Variants in TNKS observed in about 807,000 individuals in gnomAD.
TNKS encodes poly [ADP-ribose] polymerase tankyrase-1.
Under a neutral mutation model 135.8 loss-of-function variants are expected in TNKS, and 72 were observed. The ratio of observed to expected loss-of-function variants is 0.53; its 90% CI spans 0.44 to 0.64. The LOEUF is 0.64. Ranked by LOEUF, TNKS falls within the 30% of genes least tolerant of loss-of-function variation. TNKS has a pLI of 0.00. For synonymous variants in TNKS, 849 were observed against 649.3 expected, an observed-to-expected ratio of 1.31 and a Z score of -4.68; for missense variants, 1,769 against 1,674.0, an observed-to-expected ratio of 1.06 and a Z score of -0.99.
Position 9,653,223 on chromosome 8 carries a change from G to T in TNKS, c.995-26728G>T, listed in dbSNP as rs547704877. Among the ~76,000 whole-genome samples the T allele has an allele frequency of 3.2e-4, 48 of 152,242 alleles. 1 individual carries two copies. The highest frequency in any genetic ancestry group is 1.2e-3 in the Admixed American group (19 of 15,294). Reference sequence around the variant, plus strand: ...GAATCAAATTACTGTTGTTTATGCTGACAGTGTTTGTTGCTTAATGAACTA... The same window carrying T: ...GAATCAAATTACTGTTGTTTATGCTTACAGTGTTTGTTGCTTAATGAACTA... On this transcript the variant is annotated intron_variant, in intron 3 of 26. Transcript: ENST00000310430.
intron 1 of TNKS, chr8:9,558,474 A>T (rs1585164077): frequency 6.6e-6 from 1 of 152,272 alleles, no homozygotes; most frequent in East Asian, 1.9e-4. Flanking sequence ...TGCATACTTT[A>T]TTCCAAGTTT....
At chr8:9,655,385 A>G (rs1215679051) in intron 3 of TNKS, among the ~76,000 whole-genome samples, 4 of 152,200 alleles carry the variant, frequency 2.6e-5, no homozygotes, top group Non-Finnish European at 5.9e-5. Context: ...GACAGCTTTG[A>G]AGAGAGTAGT....
intron 3 of TNKS, among the ~76,000 whole-genome samples, chr8:9,623,498 A>G (rs1464684376): frequency 6.6e-6 from 1 of 150,656 alleles, no homozygotes; most frequent in African/African-American, 2.5e-5. Flanking sequence ...TATAGTGTGC[A>G]GTAGCATTAT....
chr8:9,672,711 C>CAAAA lies in TNKS; in HGVS notation c.995-7230_995-7227dup, dbSNP rs6150458. ...ACACACACACACACACACACACACA[C>CAAAA]AAAAAAAAAAAAACAAACTAATATC... On this transcript the variant is annotated intron_variant, in intron 3 of 26. Coordinates refer to ENST00000310430, the MANE Select transcript of TNKS (RefSeq NM_003747.3). Among the ~76,000 whole-genome samples the CAAAA allele has an allele frequency of 1.7e-3, 146 of 85,188 alleles. 2 individuals are homozygous for CAAAA. The highest frequency in any genetic ancestry group is 9.1e-3 in the South Asian group (20 of 2,194). 55.9% of individuals were successfully genotyped at this position (85,188 alleles called of 152,430 possible).
chr8:9,615,111 G>A (rs1421784324), intron 2 of TNKS, among the ~76,000 whole-genome samples: 1 of 152,116 alleles, frequency 6.6e-6, no homozygotes, highest in Admixed American at 6.5e-5. Context: ...TGAGTTTCAT[G>A]TGCAAGTGGT....
chr8:9,760,305 A>G (rs1281946770), intron 20 of TNKS, among the ~76,000 whole-genome samples: 2 of 152,174 alleles, frequency 1.3e-5, no homozygotes, highest in Non-Finnish European at 2.9e-5. Flanking sequence ...GCTTTGTGCA[A>G]TGAAGCAATT....
At chr8:9,702,739 AG>A (rs200333034) in intron 5 of TNKS, among the ~76,000 whole-genome samples, 11,596 of 152,216 alleles carry the variant, frequency 0.076, 476 homozygotes, top group South Asian at 0.17. Context: ...ATTTTAAAAA[AG>A]CACAGTGGCT....
At chr8:9,649,324 A>G (rs762252492) in intron 3 of TNKS, among the ~76,000 whole-genome samples, 100 of 152,304 alleles carry the variant, frequency 6.6e-4, no homozygotes, top group Non-Finnish European at 1.3e-3. Context: ...TCCAGAGAAT[A>G]CTGGACAAAT....
At chr8:9,609,769 A>G (rs1799376467) in intron 2 of TNKS, among the ~76,000 whole-genome samples, 1 of 152,204 alleles carries the variant, frequency 6.6e-6, no homozygotes, top group Non-Finnish European at 1.5e-5. Flanking sequence ...GCCGTTACTG[A>G]AAACAGAAAA....
In TNKS at chr8:9,752,600, C is replaced by T; in HGVS notation, c.3127C>T (p.Leu1043Phe). 1 of 1,612,600 alleles carries T rather than the reference C, an allele frequency of 6.2e-7. No individual in the cohort carries two copies. The highest frequency in any genetic ancestry group is 8.5e-7 in the Non-Finnish European group (1 of 1,179,084). The change falls in exon 20 of 27, where the codon CTT becomes TTT. Residue 1043 changes from leucine to phenylalanine, a missense_variant. Coordinates refer to ENST00000310430, the MANE Select transcript of TNKS (RefSeq NM_003747.3). ...QFLKSLGLEH[L>F]RDIFETEQIT... The stretch of plus-strand genomic sequence containing the variant: ...TCTAAAAAGCCTTGGCCTTGAACAC[C>T]TTCGGGATATCTTTGAAACAGAACA...
In TNKS at chr8:9,771,771, AGG is replaced by A. The variant is rs374383752; in HGVS notation, c.3897+1510_3897+1511del. Among the ~76,000 whole-genome samples the A allele has an allele frequency of 4.7e-3, 322 of 68,020 alleles. 6 individuals are homozygous for A. The highest frequency in any genetic ancestry group is 0.02 in the African/African-American group (300 of 14,968). The allele number at this position is 68,020 out of a possible 152,430, so 44.6% of individuals were successfully genotyped here. ...GATTGGAGGAAGGAGAGAGAAAAAA[AGG>A]AAGGCAGGAGAGAGAGGAGAAGGGA... On this transcript the variant is annotated intron_variant, in intron 26 of 26. Transcript: ENST00000310430.
intron 17 of TNKS, chr8:9,741,777 C>T (rs115326940): frequency 8.1e-6 from 4 of 493,142 alleles, no homozygotes; most frequent in East Asian, 1.1e-4. Flanking sequence ...TCGACCTTGT[C>T]TAACTTCACG....
chr8:9,738,568 T>C (rs1452025022), intron 17 of TNKS, among the ~76,000 whole-genome samples: 1 of 24,388 alleles, frequency 4.1e-5, no homozygotes, highest in Non-Finnish European at 7.0e-5. Context: ...CACACTGCTT[T>C]GAATGCGTCC....
intron 2 of TNKS, among the ~76,000 whole-genome samples, chr8:9,612,328 C>T (rs1220669052): frequency 6.6e-6 from 1 of 152,112 alleles, no homozygotes; most frequent in Non-Finnish European, 1.5e-5. Context: ...GTTCTTATCT[C>T]AATGTAGATG....
intron 5 of TNKS, among the ~76,000 whole-genome samples, chr8:9,683,328 C>CT (rs1372459232): frequency 6.6e-6 from 1 of 151,840 alleles, no homozygotes; most frequent in Non-Finnish European, 1.5e-5. Flanking sequence ...ATATGTAGTC[C>CT]TTTTTTAGAA....
chr8:9,761,879 C>T (rs1585431830), intron 21 of TNKS, among the ~76,000 whole-genome samples: 1 of 152,158 alleles, frequency 6.6e-6, no homozygotes, highest in South Asian at 2.1e-4. Context: ...TACTTCTGTC[C>T]TTTCCCATGA....
intron 26 of TNKS, among the ~76,000 whole-genome samples, chr8:9,772,826 T>C (rs560660807): frequency 0.01 from 587 of 58,004 alleles, 4 homozygotes; most frequent in Admixed American, 0.02. Flanking sequence ...TGTGTGTGTG[T>C]GTGTCTGTGT....
At chr8:9,633,607 C>T (rs751796796) in intron 3 of TNKS, among the ~76,000 whole-genome samples, 1 of 152,190 alleles carries the variant, frequency 6.6e-6, no homozygotes, top group Non-Finnish European at 1.5e-5. Context: ...TGACCACTAG[C>T]ATATGGCAGA....
At chr8:9,691,836 T>C (rs755271822) in intron 5 of TNKS, among the ~76,000 whole-genome samples, 7 of 152,212 alleles carry the variant, frequency 4.6e-5, no homozygotes, top group Non-Finnish European at 8.8e-5. Flanking sequence ...GTTTTCTATT[T>C]TCTACATCTT....
Sources: allele counts gnomAD v4.1 joint callset (sites outside exome capture counted in the v4.1 genomes callset), GRCh38; gene constraint gnomAD v4.1.1; transcripts MANE v1.5; gene names NCBI Gene and HGNC (gene_info 2026-07-23, HGNC 2026-07-21).